DOCK3: variants seen among roughly 807,000 people sequenced by gnomAD.
DOCK3 encodes the protein dedicator of cytokinesis protein 3.
In DOCK3, 60 loss-of-function variants were observed where a neutral mutation model predicts 265.6. That is an observed-to-expected ratio of 0.23 (90% CI 0.18 to 0.28). The LOEUF is 0.28. DOCK3 is among the 10% of genes least tolerant of loss of function. DOCK3 has a pLI of 1.00. For synonymous variants in DOCK3, 881 were observed against 938.0 expected (o/e 0.94, Z 1.11); for missense variants, 1,981 against 2,594.3 (o/e 0.76, Z 5.14).
intron 9 of DOCK3, among the ~76,000 whole-genome samples, chr3:51,124,328 A>T (rs1429873730): frequency 6.6e-6 from 1 of 152,122 alleles, no homozygotes; most frequent in Non-Finnish European, 1.5e-5. Context: ...TGTTCTATAT[A>T]TGGGGGGCAT....
At chr3:50,694,324 T>C (rs2035469045) in intron 1 of DOCK3, among the ~76,000 whole-genome samples, 2 of 152,170 alleles carry the variant, frequency 1.3e-5, no homozygotes, top group Non-Finnish European at 2.9e-5. Flanking sequence ...TTTCTAATAC[T>C]TAGAGGCAGA....
At chr3:51,156,932 A>G (rs1048528000) in intron 10 of DOCK3, among the ~76,000 whole-genome samples, 2 of 152,188 alleles carry the variant, frequency 1.3e-5, no homozygotes, top group African/African-American at 4.8e-5. Flanking sequence ...TCAGTAATCA[A>G]CATCTTTCAA....
chr3:51,079,478 G>A (rs565779946), intron 7 of DOCK3, among the ~76,000 whole-genome samples: 2 of 152,072 alleles, frequency 1.3e-5, no homozygotes, highest in South Asian at 4.2e-4. Flanking sequence ...GAGTATAGGT[G>A]CATGCCACCA....
chr3:51,338,395 G>A lies in DOCK3; in HGVS notation c.3648G>A (p.Lys1216=), dbSNP rs1479958020. The part of the protein sequence containing the change: ...CMKGEETENK[K]IGCTVNLMNF... ...AAGGAGAGGAAACAGAGAATAAGAAGATAGGCTGCACTGTTAACCTGATGG... is the reference window on the plus strand; with the variant it reads ...AAGGAGAGGAAACAGAGAATAAGAAAATAGGCTGCACTGTTAACCTGATGG... Residue 1216 remains lysine, a synonymous_variant, in exon 36 of 53, where the codon AAG becomes AAA. Transcript: ENST00000266037. 1.9e-6 allele frequency: 3 copies of A among 1,551,756 alleles called. No individual in the cohort carries two copies. The highest frequency in any genetic ancestry group is 2.6e-6 in the Non-Finnish European group (3 of 1,147,070).
At chr3:50,744,236 T>C (rs1002046073) in intron 1 of DOCK3, among the ~76,000 whole-genome samples, 14 of 152,242 alleles carry the variant, frequency 9.2e-5, no homozygotes, top group Admixed American at 7.2e-4. Flanking sequence ...CTTGGCACTC[T>C]CTTAATAGTG....
chr3:51,363,391 G>C (rs1576943735), intron 49 of DOCK3, among the ~76,000 whole-genome samples: 1 of 152,228 alleles, frequency 6.6e-6, no homozygotes, highest in East Asian at 1.9e-4. Flanking sequence ...GTCTGAGCTT[G>C]CCAGCCAGTC....
At chr3:51,214,335 T>C (rs1173629389) in intron 14 of DOCK3, 88 bp downstream of exon 14, 1 of 1,527,248 alleles carries the variant, frequency 6.5e-7, no homozygotes, top group Non-Finnish European at 8.8e-7. Flanking sequence ...AACTGTGCTA[T>C]GGAGAAGACC....
chr3:51,229,405 CATACA>C, intron 18 of DOCK3, 102 bp from the exon 19 acceptor site: 1 of 672,962 alleles, frequency 1.5e-6, no homozygotes, highest in Non-Finnish European at 2.3e-6. Flanking sequence ...GAGCTGAGAT[CATACA>C]ACCGCACTCC....
intron 1 of DOCK3, among the ~76,000 whole-genome samples, chr3:50,771,308 CAA>C (rs1301967762): frequency 6.6e-5 from 10 of 152,252 alleles, no homozygotes; most frequent in African/African-American, 2.4e-4. Flanking sequence ...AGACATTTCT[CAA>C]AAGTTATACA....
intron 2 of DOCK3, among the ~76,000 whole-genome samples, chr3:50,829,153 G>A (rs1446819585): frequency 6.6e-6 from 1 of 152,006 alleles, no homozygotes; most frequent in African/African-American, 2.4e-5. Flanking sequence ...CATTGTTTCA[G>A]TTTCTGCTTA....
intron 12 of DOCK3, among the ~76,000 whole-genome samples, chr3:51,206,040 T>C (rs2089190044): frequency 6.6e-6 from 1 of 152,234 alleles, no homozygotes; most frequent in Non-Finnish European, 1.5e-5. Flanking sequence ...TAGGCACAAA[T>C]ATGACCATTC....
intron 3 of DOCK3, among the ~76,000 whole-genome samples, chr3:50,879,889 C>A (rs1001938382): frequency 6.6e-6 from 1 of 152,164 alleles, no homozygotes; most frequent in African/African-American, 2.4e-5. Flanking sequence ...AAGTAAAGCA[C>A]TCCTCAGCAA....
chr3:51,304,777 G>A (rs1467538544), intron 27 of DOCK3, among the ~76,000 whole-genome samples: 8 of 152,080 alleles, frequency 5.3e-5, no homozygotes, highest in African/African-American at 1.4e-4. Flanking sequence ...CTCACTTTCC[G>A]TGGGTCATGC....
intron 1 of DOCK3, among the ~76,000 whole-genome samples, chr3:50,745,212 A>AT (rs2039346364): frequency 6.6e-6 from 1 of 151,828 alleles, no homozygotes; most frequent in Non-Finnish European, 1.5e-5. Context: ...CACCTGGCTA[A>AT]TTTTTGTATT....
intron 2 of DOCK3, among the ~76,000 whole-genome samples, chr3:50,791,049 A>G (rs1323281414): frequency 5.9e-5 from 9 of 151,898 alleles, no homozygotes; most frequent in Admixed American, 1.3e-4. Context: ...TTTTTCTCCC[A>G]TTCTGTAGGT....
chr3:50,906,621 AT>A (rs1324481334), intron 4 of DOCK3, among the ~76,000 whole-genome samples: 1 of 151,918 alleles, frequency 6.6e-6, no homozygotes, highest in African/African-American at 2.4e-5. Context: ...CCCCCTTATC[AT>A]TTTTTATTGC....
intron 22 of DOCK3, among the ~76,000 whole-genome samples, chr3:51,249,106 G>T (rs1313908366): frequency 6.6e-6 from 1 of 150,794 alleles, no homozygotes; most frequent in African/African-American, 2.4e-5. Flanking sequence ...GAGGTGGGGG[G>T]GGTCAGCCCC....
chr3:51,362,135 C>A, intron 48 of DOCK3, 138 bp downstream of exon 48: 1 of 1,160,414 alleles, frequency 8.6e-7, no homozygotes, highest in Non-Finnish European at 1.2e-6. Context: ...CTCACCAGAG[C>A]TAGAAAGCTG....
chr3:50,739,763 G>C (rs2038892749), intron 1 of DOCK3, among the ~76,000 whole-genome samples: 1 of 151,940 alleles, frequency 6.6e-6, no homozygotes, highest in Non-Finnish European at 1.5e-5. Context: ...GTGTGACCTG[G>C]GGCAGGCTAA....
Sources: allele counts gnomAD v4.1 joint callset (sites outside exome capture counted in the v4.1 genomes callset), GRCh38; gene constraint gnomAD v4.1.1; transcripts MANE v1.5; gene names NCBI Gene and HGNC (gene_info 2026-07-23, HGNC 2026-07-21).